Variants in DMD observed in about 807,000 individuals in gnomAD.
DMD encodes the protein mutant dystrophin.
Under a neutral mutation model 330.1 loss-of-function variants are expected in DMD, and 63 were observed. The ratio of observed to expected loss-of-function variants is 0.19; its 90% CI spans 0.16 to 0.24. The LOEUF (loss-of-function observed/expected upper bound fraction) is 0.24, where lower values mean the gene tolerates loss of function less well. Ranked by LOEUF, DMD falls within the 10% of genes least tolerant of loss-of-function variation. The probability of loss-of-function intolerance (pLI) is 1.00; values close to 1 mark genes in which losing one functional copy is unlikely to be tolerated. For synonymous variants in DMD, 1,223 were observed against 959.8 expected (o/e 1.27, Z -5.07); for missense variants, 3,344 against 2,684.1 (o/e 1.25, Z -5.43).
Position 32,536,915 on chromosome X carries a change from A to T in DMD, c.2168+8244T>A, listed in dbSNP as rs141646376. On this transcript the variant is annotated intron_variant, in intron 17 of 78. Coordinates refer to ENST00000357033, the MANE Select transcript of DMD (RefSeq NM_004006.3). Reference sequence around the variant, plus strand: ...AAGATATCCCTCGGGAGGCTGTAAAAAGCATGGATAAGAGAGGTGAGATCA... The same window carrying T: ...AAGATATCCCTCGGGAGGCTGTAAATAGCATGGATAAGAGAGGTGAGATCA... Among the ~76,000 whole-genome samples the T allele has an allele frequency of 5.0e-3, 564 of 112,225 alleles. 6 individuals carry two copies. The highest frequency in any genetic ancestry group is 0.017 in the African/African-American group (517 of 30,892).
intron 7 of DMD, among the ~76,000 whole-genome samples, chrX:32,757,176 A>G (rs2071611502): frequency 9.0e-6 from 1 of 111,560 alleles, no homozygotes; most frequent in Non-Finnish European, 1.9e-5. Context: ...TGCTTGTGAG[A>G]ACATTTAAAG....
chrX:31,478,215 G>C lies in DMD; in HGVS notation c.8828C>G (p.Thr2943Arg). 1 of 1,211,121 alleles carries C rather than the reference G, an allele frequency of 8.3e-7. No homozygotes were observed. Among genetic ancestry groups the C allele is most frequent in the Non-Finnish European group, 1.1e-6 (1 of 895,308 alleles). ...GCGCAGCTTGAGGTCCAGCTCATCC[G>C]TGGCCTCTTGAAGTTCCCGGAGTCT... ...LERLRELQEA[T>R]DELDLKLRQA... The change falls in exon 59 of 79, where the codon ACG becomes AGG. Residue 2943 changes from threonine (T) to arginine (R), a missense_variant. Coordinates refer to ENST00000357033, the MANE Select transcript of DMD (RefSeq NM_004006.3).
chrX:32,554,754 C>G (rs1441227417), intron 16 of DMD, among the ~76,000 whole-genome samples: 1 of 90,055 alleles, frequency 1.1e-5, no homozygotes, highest in Non-Finnish European at 2.2e-5. Flanking sequence ...AGGGATTTCT[C>G]CCAAACTTAT....
chrX:32,820,364 C>A (rs996422790), intron 5 of DMD, among the ~76,000 whole-genome samples: 3 of 111,398 alleles, frequency 2.7e-5, no homozygotes, highest in Non-Finnish European at 3.8e-5. Flanking sequence ...ATGGCATGAA[C>A]CCAGGAGGCG....
chrX:33,022,345 C>T (rs1204193012), intron 1 of DMD, among the ~76,000 whole-genome samples: 4 of 110,353 alleles, frequency 3.6e-5, no homozygotes, highest in Non-Finnish European at 5.7e-5. Flanking sequence ...AGGTAAGCAT[C>T]GAAGGCAGCA....
intron 62 of DMD, among the ~76,000 whole-genome samples, chrX:31,321,624 A>AT (rs1214618396): frequency 5.4e-5 from 5 of 92,622 alleles, no homozygotes; most frequent in Non-Finnish European, 1.0e-4. Flanking sequence ...AGAAACCAAG[A>AT]TTTTTATAGG....
intron 1 of DMD, among the ~76,000 whole-genome samples, chrX:33,276,346 G>A (rs763430989): frequency 2.0e-3 from 224 of 110,821 alleles, no homozygotes; most frequent in African/African-American, 6.7e-3. Context: ...TCTGTGATCA[G>A]GTCCTTCCAA....
chrX:32,330,941 G>A (rs1198621677), intron 41 of DMD, among the ~76,000 whole-genome samples: 1 of 111,152 alleles, frequency 9.0e-6, no homozygotes, highest in African/African-American at 3.3e-5. Context: ...ACAATACCAC[G>A]ATCACTACCC....
chrX:32,573,014 C>G (rs1202232386), intron 15 of DMD, among the ~76,000 whole-genome samples: 4 of 111,563 alleles, frequency 3.6e-5, no homozygotes, highest in Non-Finnish European at 1.9e-5. Flanking sequence ...GAGGCACTTA[C>G]CAGGAGCAGA....
intron 44 of DMD, among the ~76,000 whole-genome samples, chrX:32,006,791 A>G: frequency 9.1e-6 from 1 of 110,147 alleles, no homozygotes; most frequent in Non-Finnish European, 1.9e-5. Flanking sequence ...GGCACTATTC[A>G]CAATAGCAAA....
intron 52 of DMD, among the ~76,000 whole-genome samples, chrX:31,690,209 C>A (rs753055464): frequency 2.2e-4 from 25 of 111,663 alleles, no homozygotes; most frequent in Middle Eastern, 9.2e-3. Flanking sequence ...AAAATTTTTG[C>A]AATCTACTCA....
intron 9 of DMD, among the ~76,000 whole-genome samples, chrX:32,657,545 A>C (rs1408908009): frequency 1.8e-5 from 2 of 111,784 alleles, no homozygotes; most frequent in Admixed American, 1.9e-4. Context: ...TGTGGGAGGA[A>C]AAATGGGATA....
chrX:31,351,159 T>C (rs80328262), intron 60 of DMD, among the ~76,000 whole-genome samples: 2,146 of 105,087 alleles, frequency 0.02, 57 homozygotes, highest in African/African-American at 0.063. Context: ...CATACATATA[T>C]ACACACACAC....
At chrX:32,638,033 C>T (rs1294904782) in intron 11 of DMD, among the ~76,000 whole-genome samples, 1 of 111,173 alleles carries the variant, frequency 9.0e-6, no homozygotes, top group Non-Finnish European at 1.9e-5. Context: ...GAGATGTCCA[C>T]ATTTAGCTGC....
chrX:31,159,901 ACTTATAC>A (rs1473179552), intron 74 of DMD, among the ~76,000 whole-genome samples: 1 of 112,341 alleles, frequency 8.9e-6, no homozygotes, highest in Non-Finnish European at 1.9e-5. Flanking sequence ...CATCTTTGTA[ACTTATAC>A]CTTAATCTTA....
At chrX:31,206,555 A>C in intron 66 of DMD, 27 bp downstream of exon 66, 1 of 1,144,270 alleles carries the variant, frequency 8.7e-7, no homozygotes, top group Non-Finnish European at 1.2e-6. Flanking sequence ...TTAATAAAAG[A>C]ATACAGCATT....
At chrX:31,918,794 C>T (rs1019087657) in intron 47 of DMD, among the ~76,000 whole-genome samples, 9 of 110,379 alleles carry the variant, frequency 8.2e-5, no homozygotes, top group South Asian at 3.9e-4. Context: ...TGTGCCACCA[C>T]GCCCAGCTAA....
chrX:33,171,264 T>C (rs1214686875), intron 1 of DMD, among the ~76,000 whole-genome samples: 2 of 110,633 alleles, frequency 1.8e-5, no homozygotes, highest in Non-Finnish European at 3.8e-5. Context: ...GAGCTTCTTA[T>C]TGAGAAAGGG....
intron 18 of DMD, among the ~76,000 whole-genome samples, chrX:32,503,693 T>A (rs369686579): frequency 1.8e-5 from 2 of 110,153 alleles, no homozygotes; most frequent in South Asian, 7.9e-4. Context: ...GTAGCCGGGA[T>A]TACAGGCGTG....
Sources: gnomAD v4.1 joint callset for allele counts (sites outside exome capture counted in the v4.1 genomes callset) on GRCh38, gnomAD v4.1.1 for gene constraint, MANE v1.5 for transcripts, NCBI Gene and HGNC (gene_info 2026-07-23, HGNC 2026-07-21) for gene names.